Variants in KDM5A observed in about 807,000 individuals in gnomAD.
KDM5A encodes the protein lysine demethylase 5A.
KDM5A carries 42 observed loss-of-function variants against 193.5 expected under a neutral mutation model. The observed-to-expected ratio is 0.22, with a 90% CI of 0.17 to 0.28. The LOEUF (loss-of-function observed/expected upper bound fraction) is 0.28, where lower values mean the gene tolerates loss of function less well. Ranked by LOEUF, KDM5A falls within the 10% of genes least tolerant of loss-of-function variation. KDM5A has a pLI of 1.00. For synonymous variants in KDM5A, 796 were observed against 718.1 expected (o/e 1.11, Z -1.73); for missense variants, 1,692 against 2,055.1 (o/e 0.82, Z 3.42).
At chr12:296,979 A>G in intron 25 of KDM5A, 62 bp downstream of exon 25, 1 of 1,532,966 alleles carries the variant, frequency 6.5e-7, no homozygotes, top group Non-Finnish European at 9.0e-7. Context: ...CTTGATTAAC[A>G]TAATGCTTTT....
chr12:300,885 G>A (rs1236238541), intron 24 of KDM5A, among the ~76,000 whole-genome samples: 1 of 152,168 alleles, frequency 6.6e-6, no homozygotes, highest in Non-Finnish European at 1.5e-5. Flanking sequence ...ACTACCAGCA[G>A]ACAATACTAT....
intron 13 of KDM5A, 118 bp from the exon 14 acceptor site, chr12:329,147 TA>T: frequency 1.2e-6 from 1 of 832,180 alleles, no homozygotes; most frequent in Non-Finnish European, 2.0e-6. Context: ...CAAATCCATT[TA>T]AATATAAAGA....
chr12:360,852 A>G (rs1456852166), intron 5 of KDM5A, among the ~76,000 whole-genome samples: 1 of 152,162 alleles, frequency 6.6e-6, no homozygotes, highest in Non-Finnish European at 1.5e-5. Flanking sequence ...GGAGAGAAAG[A>G]TTTCTCAGTA....
intron 13 of KDM5A, among the ~76,000 whole-genome samples, chr12:329,557 GT>G (rs915677183): frequency 4.0e-5 from 6 of 151,366 alleles, no homozygotes; most frequent in East Asian, 1.9e-4. Context: ...CTGACATTTA[GT>G]TTTTTTTGCA....
rs1422872693 is a variant in KDM5A, at chr12:333,619, T to C, written c.1521A>G (p.Pro507=). Residue 507 remains proline, a synonymous_variant, in exon 12 of 28, where the codon CCA becomes CCG. Transcript: ENST00000399788. ...WGEPKTWYGV[P]SHAAEQLEEV... is the part of the protein sequence containing the mutation. ...CCTCCAGTTGCTCTGCAGCATGAGA[T>C]GGCACACCATACCATGTCTTTGGCT... is the stretch of plus-strand genomic sequence containing the variant. The C allele has an allele frequency of 1.2e-6, 2 of 1,614,110 alleles. No homozygotes were observed. Among genetic ancestry groups the C allele is most frequent in the Non-Finnish European group, 1.7e-6 (2 of 1,180,004 alleles).
chr12:282,883 A>C lies in KDM5A; in HGVS notation c.*2573T>G, dbSNP rs1943173062. 1 of 232,356 alleles carries C rather than the reference A, an allele frequency of 4.3e-6. No individual in the cohort carries two copies. Among genetic ancestry groups the C allele is most frequent in the Non-Finnish European group, 8.5e-6 (1 of 117,576 alleles). 14.4% of individuals were successfully genotyped at this position (232,356 alleles called of 1,614,324 possible). A position where few individuals can be genotyped will look rare whatever the true frequency, so the allele number is the denominator to read the frequency against. On this transcript the variant is annotated 3_prime_UTR_variant, in exon 28 of 28. Transcript: ENST00000399788. ...AGATGAATCTTGTTTCATTAATTCC[A>C]AAACCGCAGATTTGTGTATTTTTTG...
At chr12:316,512 T>C (rs1943652561) in intron 19 of KDM5A, among the ~76,000 whole-genome samples, 1 of 152,222 alleles carries the variant, frequency 6.6e-6, no homozygotes, top group Admixed American at 6.5e-5. Context: ...GACAGAGTCA[T>C]CAGAACCTGG....
chr12:311,144 T>C (rs1460917214), intron 20 of KDM5A, 80 bp from the exon 21 acceptor site: 1 of 1,250,260 alleles, frequency 8.0e-7, no homozygotes, highest in Admixed American at 1.8e-5. Context: ...CCTTACAAAG[T>C]TTAGTGTTAG....
At chr12:374,316 A>G (rs1176590413) in intron 3 of KDM5A, among the ~76,000 whole-genome samples, 1 of 152,082 alleles carries the variant, frequency 6.6e-6, no homozygotes, top group Non-Finnish European at 1.5e-5. Context: ...TGTTGCATTG[A>G]TCCCTTTACC....
chr12:389,294 G>A lies in KDM5A; in HGVS notation c.-203C>T, dbSNP rs1005992505. On this transcript the variant is annotated 5_prime_UTR_variant, in exon 1 of 28. Coordinates refer to ENST00000399788, the MANE Select transcript of KDM5A (RefSeq NM_001042603.3). ...GCAAGGCTTTTCCACTGAGGTTCAG[G>A]ACTTTTCCGGAAGTTACCGTGCTGT... The A allele has an allele frequency of 4.3e-6, 3 of 697,454 alleles. No homozygotes were observed. Among genetic ancestry groups the A allele is most frequent in the Non-Finnish European group, 7.8e-6 (3 of 384,632 alleles). The allele number at this position is 697,454 out of a possible 1,614,324, so 43.2% of individuals were successfully genotyped here. A position where few individuals can be genotyped will look rare whatever the true frequency, so the allele number is the denominator to read the frequency against.
intron 27 of KDM5A, among the ~76,000 whole-genome samples, chr12:290,529 ATT>A (rs1943279823): frequency 6.6e-6 from 1 of 152,210 alleles, no homozygotes; most frequent in Non-Finnish European, 1.5e-5. Flanking sequence ...TTGTTTAAAG[ATT>A]TTGTTTAAAA....
At chr12:318,534 G>T in intron 18 of KDM5A, 73 bp from the exon 19 acceptor site, 1 of 1,106,916 alleles carries the variant, frequency 9.0e-7, no homozygotes, top group Non-Finnish European at 1.4e-6. Context: ...AATAGACATA[G>T]TCAAGGCAAA....
chr12:356,030 C>G (rs916613445), intron 6 of KDM5A, among the ~76,000 whole-genome samples: 1 of 152,144 alleles, frequency 6.6e-6, no homozygotes, highest in African/African-American at 2.4e-5. Flanking sequence ...AGGGCAATTA[C>G]TTTAAAAATT....
chr12:336,043 CAAAAAA>C (rs753624871), intron 10 of KDM5A, among the ~76,000 whole-genome samples: 9 of 42,012 alleles, frequency 2.1e-4, no homozygotes, highest in African/African-American at 6.9e-4. Context: ...TACTTCATCT[CAAAAAA>C]AAAAAAAAAA....
intron 24 of KDM5A, among the ~76,000 whole-genome samples, chr12:305,969 G>GTTTTTTTTTTTTTTTTTTTTTTTT (rs3038312): frequency 9.6e-6 from 1 of 104,216 alleles, no homozygotes. Flanking sequence ...CAATGGAAGT[G>GTTTTTTTTTTTTTTTTTTTTTTTT]TTTTTTTTTT....
chr12:371,077 T>C (rs1408731482), intron 3 of KDM5A, among the ~76,000 whole-genome samples: 9 of 151,622 alleles, frequency 5.9e-5, no homozygotes, highest in African/African-American at 2.2e-4. Flanking sequence ...AATAAACATA[T>C]GTGTGCATGT....
At chr12:342,771 AT>A (rs199901226) in intron 10 of KDM5A, among the ~76,000 whole-genome samples, 7 of 145,264 alleles carry the variant, frequency 4.8e-5, no homozygotes, top group Admixed American at 1.4e-4. Flanking sequence ...CTAAAATGTG[AT>A]TTAAAAAAAA....
intron 5 of KDM5A, among the ~76,000 whole-genome samples, chr12:359,678 G>T (rs1470770976): frequency 6.8e-6 from 1 of 146,250 alleles, no homozygotes; most frequent in African/African-American, 2.5e-5. Context: ...GGAGGCAGAG[G>T]TTGCGATTAA....
intron 1 of KDM5A, among the ~76,000 whole-genome samples, chr12:387,722 C>G (rs1175940000): frequency 6.6e-6 from 1 of 152,168 alleles, no homozygotes; most frequent in Non-Finnish European, 1.5e-5. Flanking sequence ...TTAGCCTCAT[C>G]TGTAAAAGGC....
Sources: gnomAD v4.1 joint callset for allele counts (sites outside exome capture counted in the v4.1 genomes callset) on GRCh38, gnomAD v4.1.1 for gene constraint, MANE v1.5 for transcripts, NCBI Gene and HGNC (gene_info 2026-07-23, HGNC 2026-07-21) for gene names.